Variants in LRMDA observed in about 807,000 individuals in gnomAD.
LRMDA encodes the protein leucine rich melanocyte differentiation associated.
In LRMDA, 18 loss-of-function variants were observed where a neutral mutation model predicts 29.8. The observed-to-expected ratio is 0.60, with a 90% CI of 0.42 to 0.90. LRMDA has a LOEUF of 0.90. LRMDA is among the 40% of genes least tolerant of loss of function. The pLI is 0.00. For missense variants in LRMDA, 273 were observed against 273.9 expected (o/e 1.00, Z 0.02); for synonymous variants, 125 against 109.4 (o/e 1.14, Z -0.89).
intron 2 of LRMDA, among the ~76,000 whole-genome samples, chr10:75,675,284 C>T (rs1422994090): frequency 6.6e-6 from 1 of 152,170 alleles, no homozygotes; most frequent in Non-Finnish European, 1.5e-5. Context: ...TTGCTCTTCT[C>T]TGTTGTGAGG....
At chr10:76,099,807 G>T (rs1281806652) in intron 5 of LRMDA, among the ~76,000 whole-genome samples, 1 of 152,042 alleles carries the variant, frequency 6.6e-6, no homozygotes, top group Non-Finnish European at 1.5e-5. Context: ...AACACACTTT[G>T]TATTATTTAA....
At chr10:75,973,922 C>T (rs1358577135) in intron 2 of LRMDA, among the ~76,000 whole-genome samples, 1 of 152,122 alleles carries the variant, frequency 6.6e-6, no homozygotes. Flanking sequence ...CCCCAAAATG[C>T]CTGACCATGT....
At chr10:75,845,415 C>T (rs953036725) in intron 2 of LRMDA, among the ~76,000 whole-genome samples, 4 of 152,164 alleles carry the variant, frequency 2.6e-5, no homozygotes, top group African/African-American at 9.7e-5. Context: ...TTCAAAAACT[C>T]CCACTCCAGC....
At chr10:76,415,677 C>A (rs565295951) in intron 6 of LRMDA, among the ~76,000 whole-genome samples, 1 of 152,166 alleles carries the variant, frequency 6.6e-6, no homozygotes, top group African/African-American at 2.4e-5. Context: ...CGATCCCATA[C>A]ACACTATCAT....
intron 2 of LRMDA, among the ~76,000 whole-genome samples, chr10:75,889,243 T>A (rs1478758232): frequency 6.6e-6 from 1 of 152,210 alleles, no homozygotes; most frequent in African/African-American, 2.4e-5. Context: ...CTCCCAAGCA[T>A]GTGCGAAGGA....
rs536608048 is a variant in LRMDA at position 75,433,076 on chromosome 10, C to A, written c.30+1322C>A. Among the ~76,000 whole-genome samples, 4 of 150,612 alleles carry A rather than the reference C, an allele frequency of 2.7e-5. No individual in the cohort carries two copies. In the South Asian group the frequency reaches 8.3e-4, roughly 31 times the overall value. On this transcript the variant is annotated intron_variant, in intron 1 of 6. Transcript: ENST00000611255. Reference sequence around the variant, plus strand: ...AAAATGACGGGTCTTGTTCAGCCATCGGGGAAAGGGGCTTTTTTTTTCTGG... The same window carrying A: ...AAAATGACGGGTCTTGTTCAGCCATAGGGGAAAGGGGCTTTTTTTTTCTGG...
At chr10:76,451,049 T>G (rs1320657907) in intron 6 of LRMDA, among the ~76,000 whole-genome samples, 1 of 152,186 alleles carries the variant, frequency 6.6e-6, no homozygotes, top group Non-Finnish European at 1.5e-5. Flanking sequence ...CATTTTTGAA[T>G]AGGGATTGTT....
rs1841370491 is a variant in LRMDA at position 76,364,934 on chromosome 10, G to A, written c.601+40449G>A. Among the ~76,000 whole-genome samples, 12 of 151,552 alleles carry A rather than the reference G, an allele frequency of 7.9e-5. No individual in the cohort carries two copies. In the South Asian group the frequency reaches 2.5e-3, roughly 32 times the overall value. On this transcript the variant is annotated intron_variant, in intron 6 of 6. Coordinates refer to ENST00000611255, the MANE Select transcript of LRMDA (RefSeq NM_001305581.2). ...TTCATAGCTTAGCTCCCGTATATCAGTGAGAACATACAATGTTTGGTTTTC... is the reference window on the plus strand; with the variant it reads ...TTCATAGCTTAGCTCCCGTATATCAATGAGAACATACAATGTTTGGTTTTC...
intron 5 of LRMDA, among the ~76,000 whole-genome samples, chr10:76,217,524 C>T (rs147017236): frequency 3.2e-4 from 49 of 152,200 alleles, no homozygotes; most frequent in African/African-American, 1.2e-3. Flanking sequence ...CTTGTAGATA[C>T]AGAATATTAG....
chr10:76,527,993 T>C (rs1843195995), intron 6 of LRMDA, among the ~76,000 whole-genome samples: 1 of 152,148 alleles, frequency 6.6e-6, no homozygotes, highest in South Asian at 2.1e-4. Context: ...AATAACCAAA[T>C]GCTTAAAAAG....
intron 5 of LRMDA, among the ~76,000 whole-genome samples, chr10:76,210,665 G>A (rs1851618978): frequency 6.6e-6 from 1 of 152,144 alleles, no homozygotes; most frequent in South Asian, 2.1e-4. Flanking sequence ...AGGGGCGAGA[G>A]GAAGAAAGAG....
intron 6 of LRMDA, among the ~76,000 whole-genome samples, chr10:76,518,280 C>CATCTATCT (rs10568061): frequency 0.12 from 18,126 of 146,538 alleles, 1,148 homozygotes; most frequent in East Asian, 0.17. Flanking sequence ...ATTTATCTAT[C>CATCTATCT]ATCTATCTAT....
At chr10:76,426,229 G>C (rs1434033381) in intron 6 of LRMDA, among the ~76,000 whole-genome samples, 1 of 152,166 alleles carries the variant, frequency 6.6e-6, no homozygotes, top group East Asian at 1.9e-4. Flanking sequence ...ACAGTTTAAA[G>C]TGTTCCTATT....
intron 5 of LRMDA, among the ~76,000 whole-genome samples, chr10:76,150,168 C>T (rs16932902): frequency 0.014 from 2,133 of 152,298 alleles, 46 homozygotes; most frequent in African/African-American, 0.049. Flanking sequence ...AAAGCCCCTC[C>T]GCGCTACACA....
chr10:75,674,555 C>T (rs1285443757), intron 2 of LRMDA, among the ~76,000 whole-genome samples: 1 of 152,008 alleles, frequency 6.6e-6, no homozygotes, highest in Non-Finnish European at 1.5e-5. Flanking sequence ...TTGAATGTTA[C>T]TGTTTGAGCC....
intron 5 of LRMDA, among the ~76,000 whole-genome samples, chr10:76,216,486 TAACTC>T (rs1452863863): frequency 6.6e-6 from 1 of 152,182 alleles, no homozygotes; most frequent in African/African-American, 2.4e-5. Flanking sequence ...AAACTACAGA[TAACTC>T]AATAGAGAAG....
At chr10:75,513,303 C>T (rs1031360169) in intron 2 of LRMDA, among the ~76,000 whole-genome samples, 14 of 152,068 alleles carry the variant, frequency 9.2e-5, no homozygotes, top group African/African-American at 3.1e-4. Context: ...CTTCCTATCA[C>T]GCTTTCTTGC....
At chr10:76,273,290 G>T (rs1840090230) in intron 5 of LRMDA, among the ~76,000 whole-genome samples, 1 of 152,062 alleles carries the variant, frequency 6.6e-6, no homozygotes, top group Non-Finnish European at 1.5e-5. Context: ...TGCATCCTTG[G>T]ATTCCTTTTG....
At chr10:76,427,456 A>G (rs1214745882) in intron 6 of LRMDA, among the ~76,000 whole-genome samples, 1 of 152,140 alleles carries the variant, frequency 6.6e-6, no homozygotes, top group East Asian at 1.9e-4. Context: ...TTGATTTTGT[A>G]TCTTGAGACT....
Sources: allele counts gnomAD v4.1 joint callset (sites outside exome capture counted in the v4.1 genomes callset), GRCh38; gene constraint gnomAD v4.1.1; transcripts MANE v1.5; gene names NCBI Gene and HGNC (gene_info 2026-07-23, HGNC 2026-07-21).